Variants in TTLL6 observed in about 807,000 individuals in gnomAD.
The protein encoded by TTLL6 is tubulin polyglutamylase TTLL6.
TTLL6 carries 75 observed loss-of-function variants against 96.4 expected under a neutral mutation model. The observed-to-expected ratio is 0.78, with a 90% CI of 0.65 to 0.94. The LOEUF (loss-of-function observed/expected upper bound fraction) is 0.94. Among genes scored for constraint, TTLL6 ranks in the 40% least tolerant of loss-of-function variants. The probability of loss-of-function intolerance (pLI) is 0.00; values close to 1 mark genes in which losing one functional copy is unlikely to be tolerated. For missense variants in TTLL6, 1,030 were observed against 1,093.0 expected, an observed-to-expected ratio of 0.94 and a Z score of 0.81; for synonymous variants, 411 against 419.4, an observed-to-expected ratio of 0.98 and a Z score of 0.24.
chr17:48,797,334 A>C, intron 6 of TTLL6, 130 bp from the exon 7 acceptor site: 1 of 974,174 alleles, frequency 1.0e-6, no homozygotes, highest in Non-Finnish European at 1.5e-6. Flanking sequence ...AGGCTTGTCC[A>C]GGGTCAGAGA....
chr17:48,777,007 G>GACAC (rs2038885266), intron 13 of TTLL6, among the ~76,000 whole-genome samples: 1 of 94,788 alleles, frequency 1.1e-5, no homozygotes, highest in African/African-American at 3.8e-5. Context: ...TTGGCATAAG[G>GACAC]ATAGACACAC....
Position 48,769,743 on chromosome 17 carries a change from T to A in TTLL6, c.2395A>T (p.Met799Leu). ...TGGCACTCACGTGACAGGTTATTCA[T>A]CCCCAGCTTGGGGTTGTAGTGAGCT... is the stretch of plus-strand genomic sequence containing the variant. ...FPAHYNPKLG[M>L]NNLSQNPSLP... The change falls in exon 14 of 16, where the codon ATG becomes TTG. Residue 799 changes from methionine (M) to leucine (L), a missense_variant. Transcript: ENST00000393382. 2.5e-6 allele frequency: 4 copies of A among 1,613,904 alleles called. No homozygotes were observed. Among genetic ancestry groups the A allele is most frequent in the Non-Finnish European group, 3.4e-6 (4 of 1,179,896 alleles).
At chr17:48,814,967 G>C (rs944047365) in intron 1 of TTLL6, among the ~76,000 whole-genome samples, 1 of 151,980 alleles carries the variant, frequency 6.6e-6, no homozygotes, top group Non-Finnish European at 1.5e-5. Flanking sequence ...TAGTAGAGAT[G>C]GGGTTTCTCC....
At chr17:48,791,303 G>A in intron 9 of TTLL6, 75 bp downstream of exon 9, 1 of 1,324,392 alleles carries the variant, frequency 7.6e-7, no homozygotes, top group East Asian at 2.4e-5. Context: ...AGGTGAGCCA[G>A]GAGGGCGGAA....
chr17:48,780,815 C>CAGG (rs1484030179), intron 13 of TTLL6, among the ~76,000 whole-genome samples: 2 of 152,128 alleles, frequency 1.3e-5, no homozygotes, highest in African/African-American at 4.8e-5. Context: ...TAGCATTTGA[C>CAGG]AGGATTTCTC....
At chr17:48,805,548 A>C (rs1249720311) in intron 1 of TTLL6, among the ~76,000 whole-genome samples, 1 of 152,216 alleles carries the variant, frequency 6.6e-6, no homozygotes, top group African/African-American at 2.4e-5. Flanking sequence ...CACCAACCAC[A>C]GAGAAGGCTG....
chr17:48,803,784 G>C (rs944987494), intron 3 of TTLL6, 107 bp downstream of exon 3: 2 of 1,150,056 alleles, frequency 1.7e-6, no homozygotes, highest in East Asian at 2.6e-5. Context: ...GACAGGATTT[G>C]AAGATACGCC....
chr17:48,799,458 G>T, intron 6 of TTLL6, 146 bp downstream of exon 6: 1 of 786,990 alleles, frequency 1.3e-6, no homozygotes, highest in South Asian at 1.8e-5. Flanking sequence ...CGGTCAGAAC[G>T]TTTGGTCTGA....
intron 1 of TTLL6, among the ~76,000 whole-genome samples, chr17:48,814,711 G>A (rs2039642762): frequency 6.6e-6 from 1 of 152,204 alleles, no homozygotes; most frequent in Admixed American, 6.5e-5. Context: ...ACTTCTGAAG[G>A]ACTATACCTG....
In TTLL6 at chr17:48,786,308, T is replaced by C. The variant is rs2039094020; in HGVS notation, c.1617A>G (p.Lys539=). 6.2e-7 allele frequency: 1 copy of C among 1,614,186 alleles called. No homozygotes were observed. Among genetic ancestry groups the C allele is most frequent in the Non-Finnish European group, 8.5e-7 (1 of 1,180,038 alleles). The part of the protein sequence containing the change: ...ARQLIQELRL[K]REKKPFQMKK... ...TCATTTGGAAGGGCTTTTTCTCCCG[T>C]TTTAGTCTCAGCTCCTGGATCAGTT... The change falls in exon 12 of 16, where the codon AAA becomes AAG. Residue 539 remains lysine (K), a synonymous_variant. Coordinates refer to ENST00000393382, the MANE Select transcript of TTLL6 (RefSeq NM_001130918.3).
At chr17:48,807,566 T>C (rs1408779992) in intron 1 of TTLL6, among the ~76,000 whole-genome samples, 1 of 151,408 alleles carries the variant, frequency 6.6e-6, no homozygotes, top group Non-Finnish European at 1.5e-5. Context: ...GGCTGAAGTG[T>C]AGTGGTGCAA....
intron 13 of TTLL6, among the ~76,000 whole-genome samples, chr17:48,776,828 A>G (rs184791214): frequency 6.6e-6 from 1 of 152,312 alleles, no homozygotes; most frequent in Non-Finnish European, 1.5e-5. Context: ...TCAGAATCCC[A>G]GTGTGCTTTT....
chr17:48,803,755 T>G, intron 3 of TTLL6, 136 bp downstream of exon 3: 2 of 868,336 alleles, frequency 2.3e-6, no homozygotes, highest in Non-Finnish European at 3.6e-6. Flanking sequence ...AATAGTTCAT[T>G]GAGCTAGGAG....
chr17:48,768,563 C>T (rs1036270354), intron 15 of TTLL6, among the ~76,000 whole-genome samples: 2 of 152,124 alleles, frequency 1.3e-5, no homozygotes, highest in Non-Finnish European at 2.9e-5. Flanking sequence ...AGCCACTGCA[C>T]CCGGCCTAAT....
At chr17:48,801,232 A>T in intron 5 of TTLL6, 23 bp downstream of exon 5, 1 of 1,545,626 alleles carries the variant, frequency 6.5e-7, no homozygotes, top group Non-Finnish European at 8.8e-7. Context: ...TGGAGAAGGA[A>T]GTACAGGGCG....
chr17:48,795,581 T>C (rs1190393933), intron 8 of TTLL6, among the ~76,000 whole-genome samples: 1 of 152,136 alleles, frequency 6.6e-6, no homozygotes, highest in Non-Finnish European at 1.5e-5. Flanking sequence ...ATTTCCCCCC[T>C]TCTGAGGAAT....
chr17:48,791,262 G>A, intron 9 of TTLL6, 116 bp downstream of exon 9: 2 of 863,544 alleles, frequency 2.3e-6, no homozygotes, highest in Non-Finnish European at 3.7e-6. Context: ...GGCACCATGG[G>A]AGGAAGTGGC....
At chr17:48,787,759 AC>A in intron 11 of TTLL6, 51 bp downstream of exon 11, 1 of 1,546,520 alleles carries the variant, frequency 6.5e-7, no homozygotes, top group Non-Finnish European at 8.8e-7. Context: ...CCAATAGATC[AC>A]ACACAATCCC....
At chr17:48,772,469 C>T (rs149345111) in intron 13 of TTLL6, among the ~76,000 whole-genome samples, 1,932 of 152,176 alleles carry the variant, frequency 0.013, 23 homozygotes, top group Non-Finnish European at 0.02. Context: ...CAGTGGCTCA[C>T]GCCTGTAATC....
Sources: gnomAD v4.1 joint callset for allele counts (sites outside exome capture counted in the v4.1 genomes callset) on GRCh38, gnomAD v4.1.1 for gene constraint, MANE v1.5 for transcripts, NCBI Gene and HGNC (gene_info 2026-07-23, HGNC 2026-07-21) for gene names.